Variants in ABCC4 observed in about 807,000 individuals in gnomAD.
The protein encoded by ABCC4 is ATP-binding cassette sub-family C member 4.
A neutral mutation model predicts 168.5 loss-of-function variants in ABCC4; 102 were observed. The ratio of observed to expected loss-of-function variants is 0.61; its 90% CI spans 0.52 to 0.71. The LOEUF is 0.71. Among genes scored for constraint, ABCC4 ranks in the 30% least tolerant of loss-of-function variants. ABCC4 has a pLI of 0.00. For synonymous variants in ABCC4, 617 were observed against 590.7 expected (o/e 1.04, Z -0.65); for missense variants, 1,402 against 1,605.8 (o/e 0.87, Z 2.17).
intron 4 of ABCC4, among the ~76,000 whole-genome samples, chr13:95,213,812 T>C (rs957787040): frequency 1.3e-5 from 2 of 152,178 alleles, no homozygotes; most frequent in African/African-American, 4.8e-5. Flanking sequence ...GGAATTTAAC[T>C]ACCTGCATGA....
Position 95,090,913 on chromosome 13 carries a change from G to T in ABCC4, c.2536-7623C>A, listed in dbSNP as rs187118579. Among the ~76,000 whole-genome samples the T allele has an allele frequency of 1.5e-3, 234 of 152,200 alleles. 2 individuals are homozygous for T. Among genetic ancestry groups the T allele is most frequent in the African/African-American group, 5.3e-3 (222 of 41,538 alleles). The stretch of plus-strand genomic sequence containing the variant: ...AGACATAAAGGGAGAAATAGTCAAA[G>T]AAACAGATAGCTTAAAAAAAATCAA... On this transcript the variant is annotated intron_variant, in intron 20 of 30. Transcript: ENST00000645237.
chr13:95,062,509 G>C (rs5029024), intron 26 of ABCC4, among the ~76,000 whole-genome samples, 195 bp downstream of exon 26: 130,940 of 147,196 alleles, frequency 0.89, 58,231 homozygotes, highest in South Asian at 0.94. Context: ...CACACACACA[G>C]AGAGAGAGAG....
At chr13:95,050,933 A>G (rs951906482) in intron 27 of ABCC4, among the ~76,000 whole-genome samples, 1 of 152,228 alleles carries the variant, frequency 6.6e-6, no homozygotes, top group African/African-American at 2.4e-5. Flanking sequence ...TGAAACAAAT[A>G]GAAAAACACT....
intron 24 of ABCC4, among the ~76,000 whole-genome samples, chr13:95,072,476 C>A (rs1312277341): frequency 1.3e-5 from 2 of 151,970 alleles, no homozygotes; most frequent in African/African-American, 2.4e-5. Context: ...CCCCTACCCC[C>A]CAAAAAAGAA....
rs1566434756 is a variant in ABCC4 at position 95,117,812 on chromosome 13, C to T, written c.2456-1811G>A. Among the ~76,000 whole-genome samples, 6 of 151,268 alleles carry T rather than the reference C, an allele frequency of 4.0e-5. No individual in the cohort carries two copies. In the South Asian group the frequency reaches 1.3e-3, roughly 32 times the overall value. ...AAAAAAAGATAGGCCAGGTATGGGG[C>T]TCACACCTATAATCCCAGTACTTCT... On this transcript the variant is annotated intron_variant, in intron 19 of 30. Coordinates refer to ENST00000645237, the MANE Select transcript of ABCC4 (RefSeq NM_005845.5).
intron 13 of ABCC4, among the ~76,000 whole-genome samples, chr13:95,173,520 G>A (rs2037551987): frequency 6.6e-6 from 1 of 152,198 alleles, no homozygotes; most frequent in Admixed American, 6.5e-5. Context: ...TACCCTTACA[G>A]ACAGGCAGAC....
intron 30 of ABCC4, among the ~76,000 whole-genome samples, chr13:95,034,301 A>G (rs2032023405): frequency 6.6e-6 from 1 of 152,216 alleles, no homozygotes; most frequent in African/African-American, 2.4e-5. Flanking sequence ...TTCTATGAGA[A>G]TCTGAACCCA....
chr13:95,186,849 T>A lies in ABCC4; in HGVS notation c.1397A>T (p.His466Leu). ...SAVLGELAPSHGLVSVHGRIA... is the reference protein window; with the variant it reads ...SAVLGELAPSLGLVSVHGRIA... ...TCTTCCATGCACGCTGACCAGCCCG[T>A]GACTTGGGGCCAATTCCCCGAGCAC... The change falls in exon 11 of 31, where the codon CAC becomes CTC. Residue 466 changes from histidine to leucine, a missense_variant. Coordinates refer to ENST00000645237, the MANE Select transcript of ABCC4 (RefSeq NM_005845.5). 6.2e-7 allele frequency: 1 copy of A among 1,613,918 alleles called. No individual in the cohort carries two copies. The highest frequency in any genetic ancestry group is 8.5e-7 in the Non-Finnish European group (1 of 1,179,964).
chr13:95,213,419 C>T (rs1402546360), intron 4 of ABCC4, among the ~76,000 whole-genome samples: 1 of 152,198 alleles, frequency 6.6e-6, no homozygotes, highest in African/African-American at 2.4e-5. Context: ...GTTGTAGAAG[C>T]ATCTGGAATT....
At chr13:95,150,673 G>A (rs1004551201) in intron 19 of ABCC4, among the ~76,000 whole-genome samples, 16 of 152,152 alleles carry the variant, frequency 1.1e-4, no homozygotes, top group Non-Finnish European at 1.9e-4. Flanking sequence ...TACTTACAGG[G>A]AAAATATCAT....
chr13:95,234,730 A>G lies in ABCC4; in HGVS notation c.411T>C (p.Tyr137=), dbSNP rs962609393. Residue 137 remains tyrosine, a synonymous_variant, in exon 4 of 31, where the codon TAT becomes TAC. Transcript: ENST00000645237. ...DSVALNTAYA[Y]ATVLTFCTLI... is the part of the protein sequence containing the mutation. ...GCGTGCAAAAAGTCAGCACCGTGGCATAGGCGTACGCTGTGTTCAAAGCCA... is the reference window on the plus strand; with the variant it reads ...GCGTGCAAAAAGTCAGCACCGTGGCGTAGGCGTACGCTGTGTTCAAAGCCA... The G allele has an allele frequency of 1.2e-6, 2 of 1,614,148 alleles. No homozygotes were observed. Among genetic ancestry groups the G allele is most frequent in the Admixed American group, 3.3e-5 (2 of 60,020 alleles).
intron 1 of ABCC4, among the ~76,000 whole-genome samples, chr13:95,294,187 C>CA (rs1011622867): frequency 6.6e-6 from 1 of 151,764 alleles, no homozygotes; most frequent in African/African-American, 2.4e-5. Context: ...ACTAAAAATA[C>CA]AAAATAAATA....
chr13:95,144,448 C>A (rs61965886), intron 19 of ABCC4, among the ~76,000 whole-genome samples: 10 of 151,952 alleles, frequency 6.6e-5, no homozygotes, highest in African/African-American at 1.9e-4. Flanking sequence ...TAGGAAAAAG[C>A]AAGTCAAACT....
chr13:95,103,638 C>A (rs1399326022), intron 20 of ABCC4, among the ~76,000 whole-genome samples: 1 of 152,180 alleles, frequency 6.6e-6, no homozygotes, highest in Non-Finnish European at 1.5e-5. Flanking sequence ...ATTAGCCACA[C>A]AAGGCATTCT....
intron 4 of ABCC4, among the ~76,000 whole-genome samples, chr13:95,225,145 TCTCTCTCTCACACACACACA>T (rs1218903362): frequency 3.1e-4 from 14 of 45,190 alleles, no homozygotes; most frequent in African/African-American, 8.9e-4. Context: ...TGTCTGTCTC[TCTCTCTCTCACACACACACA>T]CACACACACA....
intron 21 of ABCC4, 65 bp from the exon 22 acceptor site, chr13:95,075,616 A>G: frequency 6.2e-7 from 1 of 1,604,596 alleles, no homozygotes; most frequent in South Asian, 1.1e-5. Flanking sequence ...CGGCCTCCCA[A>G]GCTCCATGGT....
At chr13:95,240,384 AC>A (rs1265706531) in intron 3 of ABCC4, among the ~76,000 whole-genome samples, 1 of 150,930 alleles carries the variant, frequency 6.6e-6, no homozygotes, top group African/African-American at 2.4e-5. Context: ...ATACAAAATT[AC>A]CCGGGCATGG....
intron 20 of ABCC4, among the ~76,000 whole-genome samples, chr13:95,107,128 T>C (rs1205427008): frequency 6.6e-6 from 1 of 151,986 alleles, no homozygotes; most frequent in Admixed American, 6.6e-5. Flanking sequence ...ATAGTGGCAG[T>C]CACCTGTAAT....
chr13:95,184,800 C>T (rs2038006738), intron 11 of ABCC4, among the ~76,000 whole-genome samples: 1 of 152,194 alleles, frequency 6.6e-6, no homozygotes, highest in African/African-American at 2.4e-5. Flanking sequence ...TACCATCTTT[C>T]CTATCTCCGG....
Sources: allele counts gnomAD v4.1 joint callset (sites outside exome capture counted in the v4.1 genomes callset), GRCh38; gene constraint gnomAD v4.1.1; transcripts MANE v1.5; gene names NCBI Gene and HGNC (gene_info 2026-07-23, HGNC 2026-07-21).